The following TNRC6B variants were observed in gnomAD, a reference collection of about 807,000 sequenced individuals.
TNRC6B encodes trinucleotide repeat containing adaptor 6B, also known as trinucleotide repeat-containing gene 6B protein.
A neutral mutation model predicts 203.6 loss-of-function variants in TNRC6B; 52 were observed. The observed-to-expected ratio is 0.26, with a 90% CI of 0.20 to 0.32. The LOEUF (loss-of-function observed/expected upper bound fraction) is 0.32, where lower values mean the gene tolerates loss of function less well. TNRC6B is among the 10% of genes least tolerant of loss of function. The probability of loss-of-function intolerance (pLI) is 1.00; values close to 1 mark genes in which losing one functional copy is unlikely to be tolerated. For synonymous variants in TNRC6B, 838 were observed against 845.7 expected (o/e 0.99, Z 0.16); for missense variants, 1,923 against 2,286.2 (o/e 0.84, Z 3.24).
Position 40,265,574 on chromosome 22 carries a change from C to T in TNRC6B, c.1344C>T (p.Asn448=), listed in dbSNP as rs761540550. The change falls in exon 5 of 23, where the codon AAC becomes AAT. Residue 448 remains asparagine (N), a synonymous_variant. Coordinates refer to ENST00000454349, the MANE Select transcript of TNRC6B (RefSeq NM_001162501.2). ...SGQSNSGNNG[N]NGKEREDSWK... The stretch of plus-strand genomic sequence containing the variant: ...AAAGCAATTCTGGAAACAATGGGAA[C>T]AATGGAAAAGAGAGAGAGGACTCCT... 2 of 1,613,722 alleles carry T rather than the reference C, an allele frequency of 1.2e-6. No individual in the cohort carries two copies. The highest frequency in any genetic ancestry group is 1.7e-6 in the Non-Finnish European group (2 of 1,179,806).
At chr22:40,283,684 T>C (rs1345194021) in intron 11 of TNRC6B, among the ~76,000 whole-genome samples, 1 of 152,162 alleles carries the variant, frequency 6.6e-6, no homozygotes, top group Non-Finnish European at 1.5e-5. Context: ...TCATAGTGCT[T>C]TGTGTGGCTG....
chr22:40,284,969 G>T (rs2070763153), intron 11 of TNRC6B, among the ~76,000 whole-genome samples: 1 of 152,194 alleles, frequency 6.6e-6, no homozygotes. Context: ...AGTGAGTTGG[G>T]CCTCCAGAAA....
intron 1 of TNRC6B, among the ~76,000 whole-genome samples, chr22:40,050,664 A>T (rs534172303): frequency 6.6e-6 from 1 of 152,110 alleles, no homozygotes; most frequent in Admixed American, 6.5e-5. Context: ...ACAATTCATG[A>T]TTCAGGACCA....
chr22:40,131,603 G>C (rs1473694670), intron 3 of TNRC6B, among the ~76,000 whole-genome samples: 4 of 152,070 alleles, frequency 2.6e-5, no homozygotes, highest in Non-Finnish European at 5.9e-5. Flanking sequence ...ACTGTGTTGG[G>C]TGTTGATACA....
At chr22:40,274,862 T>G (rs1388114218) in intron 7 of TNRC6B, among the ~76,000 whole-genome samples, 1 of 152,204 alleles carries the variant, frequency 6.6e-6, no homozygotes, top group Non-Finnish European at 1.5e-5. Flanking sequence ...AACCAGTGTC[T>G]TCGCAGACCC....
intron 4 of TNRC6B, among the ~76,000 whole-genome samples, chr22:40,262,757 T>G (rs1005660149): frequency 2.0e-5 from 3 of 152,100 alleles, no homozygotes; most frequent in Admixed American, 2.0e-4. Flanking sequence ...TGAGAGTTTT[T>G]GGCCGGGCAC....
chr22:40,277,172 A>G lies in TNRC6B; in HGVS notation c.3216+21A>G, dbSNP rs781314556. 39 of 1,582,380 alleles carry G rather than the reference A, an allele frequency of 2.5e-5. No homozygotes were observed. In the South Asian group the frequency reaches 4.3e-4, roughly 17 times the overall value. On this transcript the variant is annotated intron_variant, in intron 8 of 22. Transcript: ENST00000454349. ...TGCTGGTAAGTTTTATTTTTTTCAA[A>G]TGTATAACGTATCCCAACTTTTAGG...
intron 11 of TNRC6B, among the ~76,000 whole-genome samples, chr22:40,281,495 A>T (rs1368695374): frequency 6.7e-6 from 1 of 148,164 alleles, no homozygotes; most frequent in East Asian, 2.0e-4. Flanking sequence ...TTAAACCTGT[A>T]TTTTTTTTTT....
At chr22:40,307,241 A>C (rs6001872) in intron 15 of TNRC6B, among the ~76,000 whole-genome samples, 1 of 151,870 alleles carries the variant, frequency 6.6e-6, no homozygotes, top group African/African-American at 2.4e-5. Context: ...ACACAACCTG[A>C]TCCCTTAGTG....
rs568318768 is a variant in TNRC6B, at chr22:40,208,878, C to T, written c.5+30738C>T. Among the ~76,000 whole-genome samples, 7 of 152,258 alleles carry T rather than the reference C, an allele frequency of 4.6e-5. No individual in the cohort carries two copies. The South Asian group carries it at 6.2e-4, about 14-fold the overall frequency. On this transcript the variant is annotated intron_variant, in intron 1 of 22. Transcript: ENST00000454349. ...TTGCCAATGAGAGATGCCTGAAACA[C>T]GGAAAGGAAAGACCTAGTGATCCTT... is the stretch of plus-strand genomic sequence containing the variant.
chr22:40,215,211 C>T (rs189483812), intron 1 of TNRC6B, among the ~76,000 whole-genome samples: 378 of 152,170 alleles, frequency 2.5e-3, no homozygotes, highest in Non-Finnish European at 3.5e-3. Flanking sequence ...GTCCTAGATC[C>T]GATACATATG....
chr22:40,072,716 T>C (rs1002745139), intron 1 of TNRC6B, among the ~76,000 whole-genome samples: 10 of 151,846 alleles, frequency 6.6e-5, no homozygotes, highest in Non-Finnish European at 1.3e-4. Context: ...ATACAAAAAT[T>C]AGCCGGGCAT....
chr22:40,061,248 C>T (rs2067848268), intron 1 of TNRC6B, among the ~76,000 whole-genome samples: 1 of 152,094 alleles, frequency 6.6e-6, no homozygotes, highest in Non-Finnish European at 1.5e-5. Flanking sequence ...GAGTTTTGCT[C>T]TTGTTGCTCG....
At chr22:40,098,726 T>C (rs916582799) in intron 1 of TNRC6B, among the ~76,000 whole-genome samples, 5 of 152,114 alleles carry the variant, frequency 3.3e-5, no homozygotes, top group Non-Finnish European at 7.3e-5. Flanking sequence ...TTCTTTAATT[T>C]TTTTTAGTTT....
At chr22:40,056,233 T>C (rs1435678230) in intron 1 of TNRC6B, among the ~76,000 whole-genome samples, 1 of 152,208 alleles carries the variant, frequency 6.6e-6, no homozygotes, top group Non-Finnish European at 1.5e-5. Context: ...GCTTTGCATA[T>C]TCAGAGCTTG....
intron 1 of TNRC6B, among the ~76,000 whole-genome samples, chr22:40,238,560 T>A (rs2069981039): frequency 6.6e-6 from 1 of 152,108 alleles, no homozygotes; most frequent in African/African-American, 2.4e-5. Flanking sequence ...ATTCCTCAGA[T>A]ACACCAATCT....
chr22:40,301,584 TTTG>T, intron 15 of TNRC6B: 1 of 380,554 alleles, frequency 2.6e-6, no homozygotes, highest in Non-Finnish European at 4.7e-6. Flanking sequence ...CTTCCTTTTT[TTTG>T]TGTGTGTGTG....
rs8140507 is a variant in TNRC6B at position 40,100,067 on chromosome 22, A to T, written c.-120-16988A>T. Among the ~76,000 whole-genome samples the T allele has an allele frequency of 5.4e-3, 603 of 112,086 alleles. 4 individuals carry two copies. The highest frequency in any genetic ancestry group is 0.017 in the African/African-American group (507 of 29,126). The allele number at this position is 112,086 out of a possible 152,430, so 73.5% of individuals were successfully genotyped here. A position where few individuals can be genotyped will look rare whatever the true frequency, so the allele number is the denominator to read the frequency against. On this transcript the variant is annotated intron_variant, in intron 1 of 23. Coordinates refer to the TNRC6B transcript ENST00000301923. ...CGCCTGGCCCCTCCATTTTATTTTT[A>T]TTATTTATTTATTTATTTATTTATT...
chr22:40,219,551 C>A (rs148628861), intron 1 of TNRC6B, among the ~76,000 whole-genome samples: 3 of 152,174 alleles, frequency 2.0e-5, no homozygotes, highest in Non-Finnish European at 2.9e-5. Context: ...GTGCCCCTCA[C>A]GCCACATCTG....
Sources: allele counts gnomAD v4.1 joint callset (sites outside exome capture counted in the v4.1 genomes callset), GRCh38; gene constraint gnomAD v4.1.1; transcripts MANE v1.5; gene names NCBI Gene and HGNC (gene_info 2026-07-23, HGNC 2026-07-21).